BMP5: variants seen among roughly 807,000 people sequenced by gnomAD.
BMP5 encodes the protein bone morphogenetic protein 5.
A neutral mutation model predicts 46.6 loss-of-function variants in BMP5; 23 were observed. That is an observed-to-expected ratio of 0.49 (90% confidence interval 0.35 to 0.70). The LOEUF is 0.70. BMP5 is among the 30% of genes least tolerant of loss of function. BMP5 has a pLI of 0.00. For missense variants in BMP5, 545 were observed against 565.6 expected (o/e 0.96, Z 0.37); for synonymous variants, 204 against 191.9 (o/e 1.06, Z -0.52).
In BMP5 at chr6:55,874,776, TCC is replaced by T. The variant is rs1179944691; in HGVS notation, c.88_89del (p.Gly30ArgfsTer11). On this transcript the variant is annotated frameshift_variant, in exon 1 of 7. Transcript: ENST00000370830. LOFTEE classifies it high-confidence loss of function. ...TAAAACTGGAGTGAACATGATTGTC[TCC>T]CAAACCTCCTTTTGCATAACCCACT... is the stretch of plus-strand genomic sequence containing the variant. ...VLVGYAKGGL[G>X]DNHVHSSFIY... 1 of 1,613,328 alleles carries T rather than the reference TCC, an allele frequency of 6.2e-7. No individual in the cohort carries two copies. Among genetic ancestry groups the T allele is most frequent in the Non-Finnish European group, 8.5e-7 (1 of 1,179,666 alleles).
intron 1 of BMP5, among the ~76,000 whole-genome samples, chr6:55,822,867 A>G (rs185285230): frequency 6.6e-6 from 1 of 152,212 alleles, no homozygotes; most frequent in East Asian, 1.9e-4. Flanking sequence ...TTTATATTAA[A>G]TATACCACAC....
chr6:55,813,717 A>G lies in BMP5; in HGVS notation c.683+5938T>C, dbSNP rs886902931. Among the ~76,000 whole-genome samples the G allele has an allele frequency of 4.0e-5, 6 of 151,222 alleles. No homozygotes were observed. In the South Asian group the frequency reaches 6.3e-4, roughly 16 times the overall value. On this transcript the variant is annotated intron_variant, in intron 2 of 6. Coordinates refer to ENST00000370830, the MANE Select transcript of BMP5 (RefSeq NM_021073.4). Reference sequence around the variant, plus strand: ...CAGGAGAACAGCGTGAACCAGGGAGACGGAGCTTGCAGTGAGCAGAGATTG... The same window carrying G: ...CAGGAGAACAGCGTGAACCAGGGAGGCGGAGCTTGCAGTGAGCAGAGATTG...
rs568845611 is a variant in BMP5, at chr6:55,858,495, A to G, written c.490+15881T>C. 2.6e-5 allele frequency among the ~76,000 whole-genome samples: 4 copies of G among 152,344 alleles called. No individual in the cohort carries two copies. The South Asian group carries it at 8.3e-4, about 32-fold the overall frequency. On this transcript the variant is annotated intron_variant, in intron 1 of 6. Coordinates refer to ENST00000370830, the MANE Select transcript of BMP5 (RefSeq NM_021073.4). ...ACTTAAAACTCCCCAAAGAGAAAAT[A>G]TAAAAGATTAATAAATCTCAGAAGA...
At chr6:55,840,653 A>G (rs1326812801) in intron 1 of BMP5, among the ~76,000 whole-genome samples, 1 of 152,132 alleles carries the variant, frequency 6.6e-6, no homozygotes, top group Admixed American at 6.6e-5. Context: ...TTTTCCTACA[A>G]AAGTATGGAT....
chr6:55,835,536 T>C (rs1776773148), intron 1 of BMP5, among the ~76,000 whole-genome samples: 1 of 152,202 alleles, frequency 6.6e-6, no homozygotes, highest in South Asian at 2.1e-4. Flanking sequence ...GCTGCTCAGC[T>C]TGAAATTGTG....
chr6:55,874,923 A>G lies in BMP5; in HGVS notation c.-58T>C. 5 of 1,579,004 alleles carry G rather than the reference A, an allele frequency of 3.2e-6. No individual in the cohort carries two copies. The highest frequency in any genetic ancestry group is 4.3e-6 in the Non-Finnish European group (5 of 1,169,404). ...TCCTTCTTGTCCTCTTAAAAAAAAA[A>G]AAAACCTAAGGTTCTAGGAGGTACA... On this transcript the variant is annotated 5_prime_UTR_variant, in exon 1 of 7. Coordinates refer to ENST00000370830, the MANE Select transcript of BMP5 (RefSeq NM_021073.4).
At chr6:55,846,155 AATG>A (rs1777093253) in intron 1 of BMP5, among the ~76,000 whole-genome samples, 3 of 152,030 alleles carry the variant, frequency 2.0e-5, no homozygotes, top group Admixed American at 6.6e-5. Flanking sequence ...TGCTAATAAT[AATG>A]AAGAGTTTTT....
At chr6:55,821,056 A>G (rs1562054793) in intron 1 of BMP5, among the ~76,000 whole-genome samples, 1 of 152,160 alleles carries the variant, frequency 6.6e-6, no homozygotes, top group African/African-American at 2.4e-5. Flanking sequence ...AAAATTTATA[A>G]CACTGCTATA....
intron 2 of BMP5, among the ~76,000 whole-genome samples, chr6:55,795,311 G>A (rs1000048084): frequency 6.6e-6 from 1 of 152,008 alleles, no homozygotes; most frequent in East Asian, 1.9e-4. Context: ...TAGGTTAACT[G>A]TAAAACACTG....
chr6:55,843,889 A>G (rs2127546675), intron 1 of BMP5, among the ~76,000 whole-genome samples: 1 of 152,168 alleles, frequency 6.6e-6, no homozygotes, highest in African/African-American at 2.4e-5. Context: ...AATACACCTT[A>G]TGACATTCTT....
At chr6:55,835,904 A>T (rs1402507304) in intron 1 of BMP5, among the ~76,000 whole-genome samples, 1 of 152,230 alleles carries the variant, frequency 6.6e-6, no homozygotes, top group Non-Finnish European at 1.5e-5. Context: ...ATTTAAAGTT[A>T]AACAGCATTA....
intron 3 of BMP5, among the ~76,000 whole-genome samples, chr6:55,787,346 AT>A (rs1317915825): frequency 1.3e-5 from 2 of 151,724 alleles, no homozygotes; most frequent in Non-Finnish European, 3.0e-5. Flanking sequence ...ATACACTTAA[AT>A]TTTATAAACC....
chr6:55,872,238 G>A (rs1041829362), intron 1 of BMP5, among the ~76,000 whole-genome samples: 7 of 151,630 alleles, frequency 4.6e-5, no homozygotes, highest in Non-Finnish European at 7.4e-5. Flanking sequence ...AACTCACCTA[G>A]TATCAGAATC....
intron 1 of BMP5, among the ~76,000 whole-genome samples, chr6:55,864,633 T>C (rs1260425948): frequency 6.6e-6 from 1 of 152,196 alleles, no homozygotes; most frequent in African/African-American, 2.4e-5. Context: ...ACAAACAGAC[T>C]GAGACATCAT....
intron 3 of BMP5, among the ~76,000 whole-genome samples, chr6:55,780,266 T>C (rs1039936121): frequency 1.3e-5 from 2 of 151,492 alleles, no homozygotes; most frequent in Non-Finnish European, 2.9e-5. Context: ...AGGGCTATTA[T>C]TAGTAGCAGT....
intron 1 of BMP5, among the ~76,000 whole-genome samples, chr6:55,824,659 T>C (rs1233832977): frequency 6.6e-6 from 1 of 151,874 alleles, no homozygotes; most frequent in Admixed American, 6.6e-5. Flanking sequence ...TACCATCCCT[T>C]ATCTCAGACC....
rs9296802 is a variant in BMP5 at position 55,815,675 on chromosome 6, G to T, written c.683+3980C>A. On this transcript the variant is annotated intron_variant, in intron 2 of 6. Transcript: ENST00000370830. ...ATCAGGTATAATTAGAAAAATATCA[G>T]AGGTGCAAGATAAACAAACATTTCA... is the stretch of plus-strand genomic sequence containing the variant. 7.6e-3 allele frequency among the ~76,000 whole-genome samples: 1,154 copies of T among 152,102 alleles called. 12 individuals are homozygous for T. Among genetic ancestry groups the T allele is most frequent in the African/African-American group, 0.026 (1,077 of 41,502 alleles).
At chr6:55,795,576 A>G (rs773989968) in intron 2 of BMP5, among the ~76,000 whole-genome samples, 2 of 152,236 alleles carry the variant, frequency 1.3e-5, no homozygotes, top group African/African-American at 4.8e-5. Context: ...AATAAATCAT[A>G]CTTTTTTAAT....
Position 55,840,927 on chromosome 6 carries a change from T to C in BMP5, c.491-21080A>G, listed in dbSNP as rs541846319. On this transcript the variant is annotated intron_variant, in intron 1 of 6. Transcript: ENST00000370830. ...CCCCCAGGCCCCAGACGGGTACTGG[T>C]TGGTGGCCTGTAGGAACCAGGCCGC... Among the ~76,000 whole-genome samples, 13 of 150,872 alleles carry C rather than the reference T, an allele frequency of 8.6e-5. 1 individual carries two copies. The South Asian group carries it at 1.3e-3, about 15-fold the overall frequency.
Sources: gnomAD v4.1 joint callset for allele counts (sites outside exome capture counted in the v4.1 genomes callset) on GRCh38, gnomAD v4.1.1 for gene constraint, MANE v1.5 for transcripts, NCBI Gene and HGNC (gene_info 2026-07-23, HGNC 2026-07-21) for gene names.